CRISPLD2: variants seen among roughly 807,000 people sequenced by gnomAD.
CRISPLD2 encodes the protein cysteine rich secretory protein LCCL domain containing 2, also known as cysteine-rich secretory protein LCCL domain-containing 2.
CRISPLD2 carries 47 observed loss-of-function variants against 71.1 expected under a neutral mutation model. The observed-to-expected ratio is 0.66, with a 90% CI of 0.52 to 0.84. The LOEUF (loss-of-function observed/expected upper bound fraction) is 0.84, where lower values mean the gene tolerates loss of function less well. Among genes scored for constraint, CRISPLD2 ranks in the 40% least tolerant of loss-of-function variants. The pLI, the probability that CRISPLD2 is intolerant of heterozygous loss-of-function variation, is 0.00. For missense variants in CRISPLD2, 830 were observed against 651.1 expected (o/e 1.27, Z -2.99); for synonymous variants, 317 against 250.1 (o/e 1.27, Z -2.52).
At chr16:84,903,957 G>A (rs551569372) in intron 14 of CRISPLD2, among the ~76,000 whole-genome samples, 3 of 152,296 alleles carry the variant, frequency 2.0e-5, no homozygotes, top group Middle Eastern at 3.4e-3. Context: ...GCCATCCAGC[G>A]GCTTTCTTGA....
At chr16:84,865,517 C>G (rs1917512640) in intron 6 of CRISPLD2, among the ~76,000 whole-genome samples, 9 of 152,150 alleles carry the variant, frequency 5.9e-5, no homozygotes. Context: ...TAGTTATTCT[C>G]CTTGAAATTG....
At chr16:84,878,680 C>T (rs912887505) in intron 12 of CRISPLD2, among the ~76,000 whole-genome samples, 17 of 152,196 alleles carry the variant, frequency 1.1e-4, no homozygotes, top group African/African-American at 4.1e-4. Flanking sequence ...CGCTGAAGTT[C>T]CTGGTAGATC....
intron 8 of CRISPLD2, among the ~76,000 whole-genome samples, chr16:84,870,126 T>TC (rs2071453234): frequency 6.6e-6 from 1 of 152,136 alleles, no homozygotes; most frequent in Admixed American, 6.5e-5. Flanking sequence ...AAAATAGTAG[T>TC]CAGTGGGTTT....
chr16:84,834,293 T>C (rs1184889153), intron 1 of CRISPLD2, among the ~76,000 whole-genome samples: 1 of 152,222 alleles, frequency 6.6e-6, no homozygotes, highest in Non-Finnish European at 1.5e-5. Context: ...TTCTTGATGT[T>C]GGCAAGCCCG....
chr16:84,893,102 C>A (rs1041789571), intron 14 of CRISPLD2, among the ~76,000 whole-genome samples: 4 of 151,980 alleles, frequency 2.6e-5, no homozygotes, highest in Admixed American at 2.6e-4. Flanking sequence ...AGCACTGGAG[C>A]CCCCAACAGG....
intron 12 of CRISPLD2, among the ~76,000 whole-genome samples, chr16:84,879,273 C>G (rs774199): frequency 0.65 from 98,110 of 152,078 alleles, 33,182 homozygotes; most frequent in East Asian, 0.86. Flanking sequence ...AAACTTGACA[C>G]AGTGCAATAT....
intron 5 of CRISPLD2, among the ~76,000 whole-genome samples, chr16:84,850,903 C>T (rs1289204968): frequency 2.0e-5 from 3 of 151,148 alleles, no homozygotes; most frequent in Admixed American, 6.7e-5. Context: ...CCTCATGGTC[C>T]CAAGATGGCT....
chr16:84,825,466 G>A (rs1225164515), intron 1 of CRISPLD2, among the ~76,000 whole-genome samples: 2 of 152,106 alleles, frequency 1.3e-5, no homozygotes, highest in African/African-American at 4.8e-5. Context: ...CTAAAATAAA[G>A]GAAGAAAGGC....
At chr16:84,852,261 C>T (rs1917109848) in intron 5 of CRISPLD2, among the ~76,000 whole-genome samples, 1 of 152,200 alleles carries the variant, frequency 6.6e-6, no homozygotes, top group Admixed American at 6.5e-5. Context: ...TTTGGGGAGA[C>T]ACATAATGAA....
intron 2 of CRISPLD2, among the ~76,000 whole-genome samples, chr16:84,844,028 G>A (rs146495199): frequency 4.6e-5 from 7 of 152,366 alleles, no homozygotes; most frequent in Admixed American, 2.6e-4. Context: ...GGGGCTGGGT[G>A]TGCAGAGGGC....
intron 2 of CRISPLD2, chr16:84,839,212 A>G: frequency 3.0e-6 from 1 of 330,860 alleles, no homozygotes; most frequent in South Asian, 2.4e-5. Context: ...ACATTCTGCC[A>G]AAACAACACA....
At chr16:84,877,716 G>A (rs1001331642) in intron 12 of CRISPLD2, among the ~76,000 whole-genome samples, 16 of 151,984 alleles carry the variant, frequency 1.1e-4, no homozygotes, top group Admixed American at 7.9e-4. Context: ...CAGCCATGGC[G>A]GTGGGTGCCT....
intron 1 of CRISPLD2, among the ~76,000 whole-genome samples, chr16:84,831,183 T>C (rs746136131): frequency 1.3e-5 from 2 of 152,132 alleles, no homozygotes; most frequent in African/African-American, 2.4e-5. Flanking sequence ...CAGAGCTCCA[T>C]GACAGAAAAT....
At position 84,862,263 on chromosome 16, in the gene CRISPLD2, C is replaced by T. The variant is rs79121552; in HGVS notation, c.710-4634C>T. 6.2e-3 allele frequency among the ~76,000 whole-genome samples: 939 copies of T among 152,104 alleles called. 23 individuals carry two copies. In the East Asian group the frequency reaches 0.09, roughly 15 times the overall value. On this transcript the variant is annotated intron_variant, in intron 6 of 14. Transcript: ENST00000262424. Reference sequence around the variant, plus strand: ...TGTTGCCCAGGCTGGAGTGCAGTGGCGTAATCTTGGCTCACTGCAGCCTCA... The same window carrying T: ...TGTTGCCCAGGCTGGAGTGCAGTGGTGTAATCTTGGCTCACTGCAGCCTCA...
At chr16:84,839,323 G>C (rs116292349) in intron 2 of CRISPLD2, 3 of 256,288 alleles carry the variant, frequency 1.2e-5, no homozygotes, top group Admixed American at 1.0e-4. Context: ...GAGGCAGAGT[G>C]GGGAGGGGCC....
intron 1 of CRISPLD2, among the ~76,000 whole-genome samples, chr16:84,820,506 G>A (rs1323289996): frequency 6.6e-6 from 1 of 152,182 alleles, no homozygotes; most frequent in African/African-American, 2.4e-5. Flanking sequence ...CTGATGGCAT[G>A]GATATGGCAG....
At chr16:84,876,271 G>C (rs2071517532) in intron 11 of CRISPLD2, among the ~76,000 whole-genome samples, 1 of 152,340 alleles carries the variant, frequency 6.6e-6, no homozygotes, top group Non-Finnish European at 1.5e-5. Flanking sequence ...AGACGTCCAG[G>C]CAGATGGGTC....
chr16:84,881,572 C>T (rs2071568838), intron 13 of CRISPLD2, among the ~76,000 whole-genome samples: 1 of 152,182 alleles, frequency 6.6e-6, no homozygotes, highest in Admixed American at 6.5e-5. Flanking sequence ...TTATCAAATC[C>T]AGGGAATCTT....
rs1244905975 is a variant in CRISPLD2 at position 84,868,841 on chromosome 16, T to C, written c.854-10T>C. ...GTGCCGTGACATGTATTCCCGCATT[T>C]CTCTCCTAGCCCAAGTCGTCAGATG... On this transcript the variant is annotated splice_polypyrimidine_tract_variant and intron_variant, in intron 7 of 14. Coordinates refer to ENST00000262424, the MANE Select transcript of CRISPLD2 (RefSeq NM_031476.4). 6.2e-7 allele frequency: 1 copy of C among 1,611,576 alleles called. No homozygotes were observed. The highest frequency in any genetic ancestry group is 8.5e-7 in the Non-Finnish European group (1 of 1,178,706).
Sources: gnomAD v4.1 joint callset for allele counts (sites outside exome capture counted in the v4.1 genomes callset) on GRCh38, gnomAD v4.1.1 for gene constraint, MANE v1.5 for transcripts, NCBI Gene and HGNC (gene_info 2026-07-23, HGNC 2026-07-21) for gene names.